The following HDAC4 variants were observed in gnomAD, a reference collection of about 807,000 sequenced individuals.
The protein encoded by HDAC4 is histone deacetylase A.
Under a neutral mutation model 135.1 loss-of-function variants are expected in HDAC4, and 16 were observed. The observed-to-expected ratio is 0.12, with a 90% CI of 0.08 to 0.18. The LOEUF (loss-of-function observed/expected upper bound fraction) is 0.18, where lower values mean the gene tolerates loss of function less well. Among genes scored for constraint, HDAC4 ranks in the 10% least tolerant of loss-of-function variants. The pLI is 1.00. For missense variants in HDAC4, 1,143 were observed against 1,511.8 expected, an observed-to-expected ratio of 0.76 and a Z score of 4.05; for synonymous variants, 685 against 653.4, an observed-to-expected ratio of 1.05 and a Z score of -0.74.
chr2:239,100,576 G>C (rs926691428), intron 16 of HDAC4, among the ~76,000 whole-genome samples: 2 of 152,126 alleles, frequency 1.3e-5, no homozygotes, highest in Admixed American at 6.5e-5. Context: ...GCCGTTCCTC[G>C]GGCCCTGGGT....
chr2:239,055,716 C>CA (rs201658364), intron 24 of HDAC4, among the ~76,000 whole-genome samples: 10,719 of 70,656 alleles, frequency 0.15, 506 homozygotes, highest in South Asian at 0.21. Flanking sequence ...GACCCTGTCT[C>CA]AAAAAAAAAA....
rs143353148 is a variant in HDAC4 at position 239,126,015 on chromosome 2, T to C, written c.1533+441A>G. On this transcript the variant is annotated intron_variant, in intron 12 of 26. Coordinates refer to ENST00000543185, the MANE Select transcript of HDAC4 (RefSeq NM_001378414.1). ...CGGATGGCCTGGGAGATGGGCACTG[T>C]GGGTTGCTAGTTTATTTAAAGGTAT... Among the ~76,000 whole-genome samples the C allele has an allele frequency of 1.1e-3, 173 of 152,342 alleles. 2 individuals are homozygous for C. The highest frequency in any genetic ancestry group is 4.1e-3 in the African/African-American group (171 of 41,590).
intron 11 of HDAC4, among the ~76,000 whole-genome samples, chr2:239,131,912 G>A (rs1192143310): frequency 6.6e-6 from 1 of 152,218 alleles, no homozygotes; most frequent in Non-Finnish European, 1.5e-5. Context: ...GGGGCCTCCA[G>A]GCCTTCAAGG....
chr2:239,170,380 G>T (rs1189004534), intron 5 of HDAC4, among the ~76,000 whole-genome samples: 1 of 151,990 alleles, frequency 6.6e-6, no homozygotes, highest in African/African-American at 2.4e-5. Flanking sequence ...TAGAACACAA[G>T]GATTTCAAAT....
intron 7 of HDAC4, among the ~76,000 whole-genome samples, chr2:239,152,862 A>G (rs536079719): frequency 6.6e-6 from 1 of 152,230 alleles, no homozygotes; most frequent in Non-Finnish European, 1.5e-5. Context: ...GAGAAACAAG[A>G]GCAGAAAACA....
At chr2:239,395,227 C>G (rs1237973853) in intron 1 of HDAC4, among the ~76,000 whole-genome samples, 1 of 152,210 alleles carries the variant, frequency 6.6e-6, no homozygotes, top group African/African-American at 2.4e-5. Flanking sequence ...AAAACAGAGG[C>G]CAGGATCAGG....
chr2:239,094,480 C>A, intron 17 of HDAC4: 1 of 1,003,532 alleles, frequency 1.0e-6, no homozygotes, highest in South Asian at 4.2e-5. Flanking sequence ...TTCGTAGAAG[C>A]TGGCACAGAC....
At chr2:239,358,523 G>T (rs373189256) in intron 1 of HDAC4, among the ~76,000 whole-genome samples, 1 of 152,146 alleles carries the variant, frequency 6.6e-6, no homozygotes, top group Non-Finnish European at 1.5e-5. Context: ...AACTGTGTTC[G>T]GACCCAATCT....
intron 16 of HDAC4, among the ~76,000 whole-genome samples, chr2:239,099,463 A>G (rs2037415924): frequency 6.6e-6 from 1 of 152,218 alleles, no homozygotes; most frequent in Non-Finnish European, 1.5e-5. Flanking sequence ...TGGGGCCCAC[A>G]GGCAGCCCCT....
At chr2:239,251,946 A>T (rs1017970820) in intron 2 of HDAC4, among the ~76,000 whole-genome samples, 8 of 152,162 alleles carry the variant, frequency 5.3e-5, no homozygotes, top group Non-Finnish European at 1.5e-5. Context: ...TAATCTTATC[A>T]CTATTCCTTT....
At chr2:239,103,693 C>T (rs982883019) in intron 15 of HDAC4, among the ~76,000 whole-genome samples, 3 of 152,220 alleles carry the variant, frequency 2.0e-5, no homozygotes, top group African/African-American at 7.2e-5. Context: ...TGCAGCCCTG[C>T]CCCAGCATCC....
intron 6 of HDAC4, among the ~76,000 whole-genome samples, chr2:239,157,523 C>T (rs1165664546): frequency 1.3e-5 from 2 of 152,204 alleles, no homozygotes; most frequent in Non-Finnish European, 2.9e-5. Flanking sequence ...AGGAGGCGGG[C>T]CCTGGGCCGG....
At chr2:239,143,721 C>T (rs1458212351) in intron 8 of HDAC4, among the ~76,000 whole-genome samples, 6 of 152,210 alleles carry the variant, frequency 3.9e-5, no homozygotes, top group East Asian at 1.9e-4. Flanking sequence ...TGCCAATGCT[C>T]GCACACACGG....
chr2:239,057,148 C>T (rs2031977496), intron 24 of HDAC4, among the ~76,000 whole-genome samples: 1 of 152,164 alleles, frequency 6.6e-6, no homozygotes, highest in Admixed American at 6.6e-5. Context: ...GTAAGATGTT[C>T]ACAGTAGAAG....
intron 24 of HDAC4, among the ~76,000 whole-genome samples, chr2:239,060,396 C>T (rs12472107): frequency 6.6e-6 from 1 of 152,168 alleles, no homozygotes; most frequent in Admixed American, 6.5e-5. Flanking sequence ...TCTAATTCAC[C>T]CCACTAAGAA....
At chr2:239,319,363 C>G (rs763152146) in intron 2 of HDAC4, among the ~76,000 whole-genome samples, 21 of 152,206 alleles carry the variant, frequency 1.4e-4, no homozygotes, top group Admixed American at 3.9e-4. Flanking sequence ...GAAAACGAAA[C>G]CAACAACAAA....
rs1426756918 is a variant in HDAC4, at chr2:239,141,519, G to A, written c.866-1723C>T. On this transcript the variant is annotated intron_variant, in intron 8 of 26. Transcript: ENST00000543185. This position sits in a 1 kb window ranked among gnomAD's most constrained non-coding sequence, Gnocchi z 4.9. ...GGCCATGTTATTTGCACTGTGAGTG[G>A]GCATTCTGAGAATGCCACCTGGGCT... Among the ~76,000 whole-genome samples, 2 of 152,090 alleles carry A rather than the reference G, an allele frequency of 1.3e-5. No individual in the cohort carries two copies. The highest frequency in any genetic ancestry group is 2.9e-5 in the Non-Finnish European group (2 of 68,034).
intron 2 of HDAC4, among the ~76,000 whole-genome samples, chr2:239,302,953 C>A (rs1029491893): frequency 2.0e-5 from 3 of 152,190 alleles, no homozygotes; most frequent in Non-Finnish European, 2.9e-5. Context: ...GCCCGGAGCA[C>A]CTTGGCAGGG....
rs114397991 is a variant in HDAC4, at chr2:239,101,744, G to C, written c.2233+1032C>G. Among the ~76,000 whole-genome samples the C allele has an allele frequency of 2.3e-3, 355 of 152,224 alleles. 1 individual carries two copies. The Middle Eastern group carries it at 0.051, about 22-fold the overall frequency. On this transcript the variant is annotated intron_variant, in intron 16 of 26. Transcript: ENST00000543185. ...CCTGGGATCCCCCATCCCCAGGTCCGTGTTCTGTGCCCTGGGATCCCCTGG... is the reference window on the plus strand; with the variant it reads ...CCTGGGATCCCCCATCCCCAGGTCCCTGTTCTGTGCCCTGGGATCCCCTGG...
Sources: gnomAD v4.1 joint callset for allele counts (sites outside exome capture counted in the v4.1 genomes callset) on GRCh38, gnomAD v4.1.1 for gene constraint, Gnocchi (gnomAD v3.1) non-coding constraint, MANE v1.5 for transcripts, NCBI Gene and HGNC (gene_info 2026-07-23, HGNC 2026-07-21) for gene names.